NFKBIZ: variants seen among roughly 807,000 people sequenced by gnomAD.
NFKBIZ encodes the protein NF-kappa-B inhibitor zeta.
NFKBIZ carries 19 observed loss-of-function variants against 76.8 expected under a neutral mutation model. That is an observed-to-expected ratio of 0.25 (90% CI 0.17 to 0.36). The LOEUF is 0.36. Among genes scored for constraint, NFKBIZ ranks in the 10% least tolerant of loss-of-function variants. The pLI is 1.00. For synonymous variants in NFKBIZ, 368 were observed against 354.8 expected, an observed-to-expected ratio of 1.04 and a Z score of -0.42; for missense variants, 829 against 910.9, an observed-to-expected ratio of 0.91 and a Z score of 1.16.
In NFKBIZ at chr3:101,851,921, C is replaced by T. The variant is rs77222021; in HGVS notation, c.290-164C>T. Among the ~76,000 whole-genome samples the T allele has an allele frequency of 4.7e-3, 709 of 152,248 alleles. 8 individuals carry two copies. The highest frequency in any genetic ancestry group is 0.016 in the African/African-American group (680 of 41,536). Reference sequence around the variant, plus strand: ...CAACTTAGGACCTTTGAGCAGAGCTCGGGACTCACAAGGCCATTGATTGAC... The same window carrying T: ...CAACTTAGGACCTTTGAGCAGAGCTTGGGACTCACAAGGCCATTGATTGAC... On this transcript the variant is annotated intron_variant, in intron 1 of 11. Coordinates refer to ENST00000326172, the MANE Select transcript of NFKBIZ (RefSeq NM_031419.4).
chr3:101,848,519 G>A (rs1287910010), upstream of NFKBIZ, among the ~76,000 whole-genome samples: 1 of 152,144 alleles, frequency 6.6e-6, no homozygotes, highest in Non-Finnish European at 1.5e-5. Flanking sequence ...TATCCCTCGT[G>A]TTATTTAATC....
chr3:101,848,050 A>G (rs957045979), upstream of NFKBIZ, among the ~76,000 whole-genome samples: 9 of 151,918 alleles, frequency 5.9e-5, no homozygotes, highest in Non-Finnish European at 1.2e-4. Context: ...CTTTCTGTCA[A>G]TTTACTTTCT....
At chr3:101,857,561 G>T in intron 11 of NFKBIZ, 102 bp downstream of exon 11, 1 of 1,537,402 alleles carries the variant, frequency 6.5e-7, no homozygotes. Context: ...TTGCTCTTCA[G>T]GTGGACTCTA....
Position 101,853,505 on chromosome 3 carries a change from T to G in NFKBIZ, c.979T>G (p.Phe327Val). 6.2e-7 allele frequency: 1 copy of G among 1,614,204 alleles called. No homozygotes were observed. Among genetic ancestry groups the G allele is most frequent in the Non-Finnish European group, 8.5e-7 (1 of 1,180,034 alleles). Residue 327 changes from phenylalanine (F) to valine (V), a missense_variant, in exon 5 of 12, where the codon TTT becomes GTT. Coordinates refer to ENST00000326172, the MANE Select transcript of NFKBIZ (RefSeq NM_031419.4). Reference sequence around the variant, plus strand: ...GTCCCCCGCTTATGAACCAAACCTCTTTGATGGTCCAGAATCACAGTTTTG... The same window carrying G: ...GTCCCCCGCTTATGAACCAAACCTCGTTGATGGTCCAGAATCACAGTTTTG... ...PQSPAYEPNL[F>V]DGPESQFCPN...
intron 2 of NFKBIZ, among the ~76,000 whole-genome samples, chr3:101,839,995 A>ACTTT (rs2107400798): frequency 6.6e-6 from 1 of 152,016 alleles, no homozygotes; most frequent in African/African-American, 2.4e-5. Flanking sequence ...GTCACAAAGA[A>ACTTT]GAATGGAGAG....
intron 1 of NFKBIZ, chr3:101,850,534 A>G (rs1309193113): frequency 6.6e-6 from 1 of 152,242 alleles, no homozygotes; most frequent in Non-Finnish European, 1.5e-5. Flanking sequence ...GCCTTAAAAA[A>G]AATGGATAAG....
intron 2 of NFKBIZ, 121 bp from the exon 3 acceptor site, chr3:101,852,617 A>G (rs1942983941): frequency 1.5e-6 from 1 of 670,798 alleles, no homozygotes; most frequent in East Asian, 2.7e-5. Context: ...ATATTGATAG[A>G]AAAACCATAT....
intron 2 of NFKBIZ, among the ~76,000 whole-genome samples, chr3:101,840,789 T>G (rs1942776661): frequency 6.6e-6 from 1 of 152,206 alleles, no homozygotes; most frequent in Non-Finnish European, 1.5e-5. Context: ...ACAGACCTTG[T>G]GTACCTGCTG....
chr3:101,853,310 G>A lies in NFKBIZ; in HGVS notation c.784G>A (p.Val262Ile), dbSNP rs1465410474. 4 of 1,614,038 alleles carry A rather than the reference G, an allele frequency of 2.5e-6. No individual in the cohort carries two copies. The African/African-American group carries it at 4.0e-5, about 16-fold the overall frequency. The change falls in exon 5 of 12, where the codon GTC (valine) becomes ATC (isoleucine). Residue 262 changes from valine to isoleucine, a missense_variant. Val to Ile is a conservative substitution (Grantham distance 29). This residue lies in a region of NFKBIZ where 371 missense variants were observed against 332.3 expected (regional missense o/e 1.12). Transcript: ENST00000326172. ...GTGTCAGGACTTCCATGGAGGGCAG[G>A]TCTTTTCTCCACCTCAGAAATGCCA... ...EQCQDFHGGQ[V>I]FSPPQKCQPF... is the part of the protein sequence containing the mutation.
At chr3:101,829,910 G>A (rs1188971037) in intron 2 of NFKBIZ, among the ~76,000 whole-genome samples, 3 of 151,636 alleles carry the variant, frequency 2.0e-5, no homozygotes, top group Non-Finnish European at 4.4e-5. Flanking sequence ...TGGTTTAGTA[G>A]TATTTTTTTA....
At chr3:101,845,136 C>CG (rs1942831930), upstream of NFKBIZ, among the ~76,000 whole-genome samples, 1 of 151,664 alleles carries the variant, frequency 6.6e-6, no homozygotes, top group African/African-American at 2.4e-5. Context: ...GGCGTGGTGG[C>CG]GGGCACCTGT....
intron 2 of NFKBIZ, among the ~76,000 whole-genome samples, chr3:101,839,540 C>T (rs1942763623): frequency 6.6e-6 from 1 of 152,138 alleles, no homozygotes; most frequent in South Asian, 2.1e-4. Context: ...CTCAATTTAA[C>T]TCACCTTCCA....
At position 101,849,882 on chromosome 3, in the gene NFKBIZ, G is replaced by T. The variant is rs971499460; in HGVS notation, c.254G>T (p.Arg85Leu). Residue 85 changes from arginine to leucine, a missense_variant, in exon 1 of 12, where the codon CGG becomes CTG. Arg to Leu is a moderately radical substitution (Grantham distance 102). Coordinates refer to ENST00000326172, the MANE Select transcript of NFKBIZ (RefSeq NM_031419.4). Reference sequence around the variant, plus strand: ...TCCTCCTGCGGCGCCGTGGAGTCCCGGTCGAGAGGCGGCGCCCGCGCCGAG... The same window carrying T: ...TCCTCCTGCGGCGCCGTGGAGTCCCTGTCGAGAGGCGGCGCCCGCGCCGAG... ...SVSSCGAVES[R>L]SRGGARAERQ... The T allele has an allele frequency of 6.9e-7, 1 of 1,445,064 alleles. No homozygotes were observed. Among genetic ancestry groups the T allele is most frequent in the Non-Finnish European group, 9.0e-7 (1 of 1,106,424 alleles). 89.5% of individuals were successfully genotyped at this position (1,445,064 alleles called of 1,614,324 possible).
rs199508481 is a variant in NFKBIZ, at chr3:101,852,889, T to G, written c.464T>G (p.Leu155Trp). The G allele has an allele frequency of 2.2e-5, 35 of 1,613,550 alleles. No individual in the cohort carries two copies. Among genetic ancestry groups the G allele is most frequent in the Non-Finnish European group, 2.9e-5 (34 of 1,179,740 alleles). ...QGVNIEQFRE[L>W]KNTVSYSGKR... ...GGCTGTATTCCTTTGGGTACAGAATTGAAGAACACAGTATCATACAGTGGG... is the reference window on the plus strand; with the variant it reads ...GGCTGTATTCCTTTGGGTACAGAATGGAAGAACACAGTATCATACAGTGGG... Residue 155 changes from leucine (L) to tryptophan (W), a missense_variant, in exon 4 of 12, where the codon TTG becomes TGG. Around this residue, in one of 4 missense-constraint regions of NFKBIZ, gnomAD observed 371 missense variants for 332.3 expected, o/e 1.12. Transcript: ENST00000326172.
At chr3:101,854,780 CA>C in intron 6 of NFKBIZ, 97 bp downstream of exon 6, 1 of 791,484 alleles carries the variant, frequency 1.3e-6, no homozygotes, top group Non-Finnish European at 2.0e-6. Flanking sequence ...AGCTCAAGAT[CA>C]AGAGAGTTTA....
chr3:101,847,949 G>A (rs1486166092), upstream of NFKBIZ, among the ~76,000 whole-genome samples: 1 of 152,198 alleles, frequency 6.6e-6, no homozygotes, highest in Non-Finnish European at 1.5e-5. Flanking sequence ...GTGGCTCCAA[G>A]CCATGGCCTG....
intron 9 of NFKBIZ, 155 bp from the exon 10 acceptor site, chr3:101,856,918 A>G (rs1239638264): frequency 1.7e-6 from 1 of 587,656 alleles, no homozygotes; most frequent in Non-Finnish European, 3.0e-6. Context: ...GATTCCATTT[A>G]GCTTGGGATT....
In NFKBIZ at chr3:101,853,671, G is replaced by C. The variant is rs1482607669; in HGVS notation, c.1145G>C (p.Cys382Ser). Residue 382 changes from cysteine to serine, a missense_variant, in exon 5 of 12, where the codon TGT becomes TCT. By Grantham distance (112) the Cys-to-Ser change is moderately radical (BLOSUM62 -1). Transcript: ENST00000326172. The part of the protein sequence containing the change: ...HSFSMMPSSA[C>S]EAMVGHEMAS... ...TTCAGCATGATGCCCAGCAGCGCCT[G>C]TGAGGCCATGGTGGGGCACGAGATG... The C allele has an allele frequency of 1.9e-6, 3 of 1,614,266 alleles. No individual in the cohort carries two copies.
At chr3:101,841,707 A>G (rs78770429) in intron 2 of NFKBIZ, among the ~76,000 whole-genome samples, 23,680 of 152,206 alleles carry the variant, frequency 0.16, 2,059 homozygotes, top group South Asian at 0.28. Flanking sequence ...AAATCAACAT[A>G]TAAGATGATA....
Sources: allele counts gnomAD v4.1 joint callset (sites outside exome capture counted in the v4.1 genomes callset), GRCh38; gene constraint gnomAD v4.1.1; regional missense constraint gnomAD v4.1.1; transcripts MANE v1.5; gene names NCBI Gene and HGNC (gene_info 2026-07-23, HGNC 2026-07-21).